HS6ST3: variants seen among roughly 807,000 people sequenced by gnomAD.
HS6ST3 encodes the protein heparan sulfate 6-O-sulfotransferase 3, also known as heparan-sulfate 6-O-sulfotransferase 3.
A neutral mutation model predicts 36.7 loss-of-function variants in HS6ST3; 12 were observed. That is an observed-to-expected ratio of 0.33 (90% confidence interval 0.21 to 0.53). HS6ST3 has a LOEUF of 0.53. Among genes scored for constraint, HS6ST3 ranks in the 20% least tolerant of loss-of-function variants. HS6ST3 has a pLI of 0.95. For missense variants in HS6ST3, 584 were observed against 640.9 expected, an observed-to-expected ratio of 0.91 and a Z score of 0.96; for synonymous variants, 240 against 257.5, an observed-to-expected ratio of 0.93 and a Z score of 0.65.
At chr13:96,292,427 T>A (rs2054834693) in intron 1 of HS6ST3, among the ~76,000 whole-genome samples, 1 of 152,134 alleles carries the variant, frequency 6.6e-6, no homozygotes, top group Admixed American at 6.6e-5. Flanking sequence ...GGTGTGTCTG[T>A]TCAAATGTTT....
intron 1 of HS6ST3, among the ~76,000 whole-genome samples, chr13:96,307,756 T>C (rs1284838172): frequency 6.6e-6 from 1 of 152,108 alleles, no homozygotes; most frequent in Admixed American, 6.5e-5. Context: ...ATATACGTAT[T>C]TTCTTAATAT....
chr13:96,703,396 C>G (rs1161598811), intron 1 of HS6ST3, among the ~76,000 whole-genome samples: 2 of 152,290 alleles, frequency 1.3e-5, no homozygotes, highest in East Asian at 3.9e-4. Flanking sequence ...GAGGAAGCAA[C>G]CTGTAATTTA....
chr13:96,690,168 C>G (rs1006394316), intron 1 of HS6ST3, among the ~76,000 whole-genome samples: 16 of 152,010 alleles, frequency 1.1e-4, no homozygotes, highest in African/African-American at 3.9e-4. Flanking sequence ...ATGGATGAAT[C>G]TTTGAATGAA....
At chr13:96,650,571 A>G (rs1033263957) in intron 1 of HS6ST3, among the ~76,000 whole-genome samples, 4 of 152,092 alleles carry the variant, frequency 2.6e-5, no homozygotes, top group African/African-American at 7.2e-5. Flanking sequence ...CCAAGAACAG[A>G]AAGAGTACAA....
intron 1 of HS6ST3, among the ~76,000 whole-genome samples, chr13:96,446,374 C>T (rs2055699075): frequency 6.6e-6 from 1 of 152,008 alleles, no homozygotes; most frequent in Non-Finnish European, 1.5e-5. Flanking sequence ...TATTGACATA[C>T]CCAGCAGTAA....
At chr13:96,167,153 C>T (rs1047913452) in intron 1 of HS6ST3, among the ~76,000 whole-genome samples, 1 of 152,056 alleles carries the variant, frequency 6.6e-6, no homozygotes, top group Non-Finnish European at 1.5e-5. Context: ...CAAAGACTAG[C>T]GATCAGATCC....
intron 1 of HS6ST3, among the ~76,000 whole-genome samples, chr13:96,152,080 A>G (rs1027750092): frequency 9.9e-5 from 15 of 152,198 alleles, no homozygotes; most frequent in African/African-American, 3.1e-4. Flanking sequence ...CCATATTCCA[A>G]ATTTATCCAA....
chr13:96,264,136 G>C (rs2054679529), intron 1 of HS6ST3, among the ~76,000 whole-genome samples: 1 of 152,128 alleles, frequency 6.6e-6, no homozygotes, highest in Non-Finnish European at 1.5e-5. Context: ...TCATGCCTAT[G>C]ATTTTTTTTT....
intron 1 of HS6ST3, among the ~76,000 whole-genome samples, chr13:96,743,683 C>T (rs1876495075): frequency 6.6e-6 from 1 of 151,986 alleles, no homozygotes; most frequent in African/African-American, 2.4e-5. Context: ...GTGGTCTTTT[C>T]TTTCTTAGAT....
At chr13:96,762,060 A>C (rs1876984639) in intron 1 of HS6ST3, among the ~76,000 whole-genome samples, 1 of 152,052 alleles carries the variant, frequency 6.6e-6, no homozygotes, top group African/African-American at 2.4e-5. Context: ...GTTTTTATAT[A>C]TATATATACA....
chr13:96,205,437 A>G (rs1193552584), intron 1 of HS6ST3, among the ~76,000 whole-genome samples: 1 of 152,214 alleles, frequency 6.6e-6, no homozygotes, highest in Non-Finnish European at 1.5e-5. Flanking sequence ...AAACTATTCC[A>G]AACAATTGAA....
intron 1 of HS6ST3, among the ~76,000 whole-genome samples, chr13:96,501,494 C>T (rs1227197330): frequency 6.6e-6 from 1 of 152,178 alleles, no homozygotes; most frequent in East Asian, 1.9e-4. Flanking sequence ...CTGTGTCCTG[C>T]GCCCTCACCT....
At position 96,175,545 on chromosome 13, in the gene HS6ST3, C is replaced by T. The variant is rs182177949; in HGVS notation, c.707+83976C>T. ...CTGCCTTTTTTTTGTTCTTTTTTTT[C>T]CCTGAAATTCTTATTAGATAGTTGC... On this transcript the variant is annotated intron_variant, in intron 1 of 1. Coordinates refer to ENST00000376705, the MANE Select transcript of HS6ST3 (RefSeq NM_153456.4). Among the ~76,000 whole-genome samples, 218 of 148,564 alleles carry T rather than the reference C, an allele frequency of 1.5e-3. 1 individual carries two copies. Among genetic ancestry groups the T allele is most frequent in the Middle Eastern group, 0.014 (4 of 290 alleles).
intron 1 of HS6ST3, among the ~76,000 whole-genome samples, chr13:96,729,637 T>TC (rs1417920658): frequency 6.6e-6 from 1 of 151,134 alleles, no homozygotes; most frequent in African/African-American, 2.4e-5. Context: ...TTTTTGTATT[T>TC]TTTTTTTTTA....
chr13:96,764,795 G>T (rs754316128), intron 1 of HS6ST3, among the ~76,000 whole-genome samples: 11 of 152,128 alleles, frequency 7.2e-5, no homozygotes, highest in Non-Finnish European at 1.3e-4. Context: ...TTCCACAGGG[G>T]TGTTTTTGCT....
At chr13:96,322,573 A>T in intron 1 of HS6ST3, among the ~76,000 whole-genome samples, 1 of 152,034 alleles carries the variant, frequency 6.6e-6, no homozygotes, top group East Asian at 1.9e-4. Flanking sequence ...TAAAATGAAA[A>T]ATAAAATAAA....
chr13:96,564,386 A>C (rs1180542835), intron 1 of HS6ST3, among the ~76,000 whole-genome samples: 1 of 152,148 alleles, frequency 6.6e-6, no homozygotes, highest in Non-Finnish European at 1.5e-5. Context: ...AGTACTTTTA[A>C]AATACCAAAG....
chr13:96,321,964 A>C (rs1016975088), intron 1 of HS6ST3, among the ~76,000 whole-genome samples: 4 of 151,718 alleles, frequency 2.6e-5, no homozygotes, highest in Admixed American at 2.6e-4. Context: ...CTCCATCATC[A>C]TTCTCAGCTG....
intron 1 of HS6ST3, among the ~76,000 whole-genome samples, chr13:96,581,243 G>A (rs1325063068): frequency 3.5e-5 from 5 of 144,710 alleles, no homozygotes; most frequent in Non-Finnish European, 6.0e-5. Context: ...TTTTTGAGAC[G>A]GAGTCTCACT....
Sources: gnomAD v4.1 joint callset for allele counts (sites outside exome capture counted in the v4.1 genomes callset) on GRCh38, gnomAD v4.1.1 for gene constraint, MANE v1.5 for transcripts, NCBI Gene and HGNC (gene_info 2026-07-23, HGNC 2026-07-21) for gene names.